Variants in IRAK1 observed in about 807,000 individuals in gnomAD.
The protein encoded by IRAK1 is interleukin-1 receptor-associated kinase 1.
A neutral mutation model predicts 49.8 loss-of-function variants in IRAK1; 9 were observed. The observed-to-expected ratio is 0.18, with a 90% CI of 0.11 to 0.32. The LOEUF (loss-of-function observed/expected upper bound fraction) is 0.32, where lower values mean the gene tolerates loss of function less well. IRAK1 is among the 10% of genes least tolerant of loss of function. IRAK1 has a pLI of 1.00. For missense variants in IRAK1, 418 were observed against 600.5 expected, an observed-to-expected ratio of 0.70 and a Z score of 3.18; for synonymous variants, 282 against 270.8, an observed-to-expected ratio of 1.04 and a Z score of -0.41.
chrX:154,012,670 G>A lies in IRAK1; in HGVS notation c.1939C>T (p.Leu647Phe), dbSNP rs113047476. ...SRPTAVEGLA[L>F]GSSASSSSEP... The stretch of plus-strand genomic sequence containing the variant: ...GACGACGATGATGCAGAGCTGCCAA[G>A]GGCCAGTCCTGGGGTGGAGATGGCA... Residue 647 changes from leucine to phenylalanine, a missense_variant, in exon 13 of 14, where the codon CTT becomes TTT. Physicochemically the swap from Leu to Phe is conservative, Grantham distance 22 (BLOSUM62 0). Coordinates refer to ENST00000369980, the MANE Select transcript of IRAK1 (RefSeq NM_001569.4). The A allele has an allele frequency of 2.0e-5, 24 of 1,209,751 alleles. 1 individual carries two copies. The African/African-American group carries it at 2.8e-4, about 14-fold the overall frequency.
chrX:154,016,678 C>T, intron 8 of IRAK1, 34 bp from the exon 9 acceptor site: 1 of 1,109,640 alleles, frequency 9.0e-7, no homozygotes, highest in Non-Finnish European at 1.2e-6. Flanking sequence ...TCAGCCCGGT[C>T]CTAGCTCCTA....
rs1557130083 is a variant in IRAK1 at position 154,018,325 on chromosome X, G to A, written c.760C>T (p.Gln254Ter). The stretch of plus-strand genomic sequence containing the variant: ...TGCTCCACCTCGGTCAGGAAGCTCT[G>A]CTTCACTGCAGTCCACTCCAGGTCA... ...NADLEWTAVK[Q>*]SFLTEVEQLS... Residue 254 changes from glutamine to a stop codon, truncating the protein, a stop_gained, in exon 6 of 14, where the codon CAG becomes TAG. Coordinates refer to ENST00000369980, the MANE Select transcript of IRAK1 (RefSeq NM_001569.4). LOFTEE classifies it high-confidence loss of function. 8.6e-7 allele frequency: 1 copy of A among 1,167,195 alleles called. No homozygotes were observed. The highest frequency in any genetic ancestry group is 1.1e-6 in the Non-Finnish European group (1 of 871,800).
At position 154,012,970 on chromosome X, in the gene IRAK1, G is replaced by C. The variant is rs145316723; in HGVS notation, c.1930+73C>G. On this transcript the variant is annotated intron_variant, in intron 12 of 13. Transcript: ENST00000369980. The stretch of plus-strand genomic sequence containing the variant: ...GCCCTGGTTCTCTTCTAGAAGGCTG[G>C]GGTGGGGACTTACAGGGGCTTTGGC... 9.7e-6 allele frequency: 11 copies of C among 1,135,137 alleles called. No individual in the cohort carries two copies. The East Asian group carries it at 3.0e-4, about 31-fold the overall frequency. 93.5% of individuals were successfully genotyped at this position (1,135,137 alleles called of 1,213,427 possible). A position where few individuals can be genotyped will look rare whatever the true frequency, so the allele number is the denominator to read the frequency against.
In IRAK1 at chrX:154,018,601, C is replaced by T. The variant is rs2065756932; in HGVS notation, c.727G>A (p.Glu243Lys). 3.3e-6 allele frequency: 4 copies of T among 1,200,305 alleles called. No individual in the cohort carries two copies. Among genetic ancestry groups the T allele is most frequent in the African/African-American group, 1.8e-5 (1 of 56,812 alleles). The stretch of plus-strand genomic sequence containing the variant: ...CCCTGCCAGGGTGCGACACTCACCT[C>T]CTTCAGCCTCTTCACAGCATACACC... Reference protein sequence around the residue: ...NTVYAVKRLKENADLEWTAVK... With the variant: ...NTVYAVKRLKKNADLEWTAVK... Residue 243 changes from glutamate (E) to lysine (K), a missense_variant and splice_region_variant, in exon 5 of 14, where the codon GAG becomes AAG. Glu to Lys is a moderately conservative substitution (Grantham distance 56). Transcript: ENST00000369980.
At chrX:154,017,538 G>A (rs1372977202) in intron 7 of IRAK1, among the ~76,000 whole-genome samples, 1 of 112,045 alleles carries the variant, frequency 8.9e-6, no homozygotes, top group East Asian at 2.8e-4. Flanking sequence ...GCTCACGCCT[G>A]TAATCCCAGC....
chrX:154,015,700 G>A (rs1557128961), intron 10 of IRAK1, among the ~76,000 whole-genome samples: 1 of 111,495 alleles, frequency 9.0e-6, no homozygotes, highest in East Asian at 2.8e-4. Context: ...GAGGTTCCTC[G>A]GGGCCTGCTT....
rs150089165 is a variant in IRAK1, at chrX:154,013,347, C to A, written c.1626G>T (p.Pro542=). 9.1e-6 allele frequency: 11 copies of A among 1,204,931 alleles called. No homozygotes were observed. The highest frequency in any genetic ancestry group is 1.2e-5 in the Non-Finnish European group (11 of 892,730). Residue 542 remains proline (P), a synonymous_variant, in exon 12 of 14, where the codon CCG becomes CCT. Coordinates refer to ENST00000369980, the MANE Select transcript of IRAK1 (RefSeq NM_001569.4). ...SEAASCIPPS[P]QENSYVSSTG... is the part of the protein sequence containing the mutation. ...TGCTGGACACGTAGGAGTTCTCCTG[C>A]GGGGAAGGGGGGATGCAGCTGGCGG...
At chrX:154,015,168 T>TG (rs1253961708) in intron 10 of IRAK1, among the ~76,000 whole-genome samples, 9 of 111,825 alleles carry the variant, frequency 8.0e-5, no homozygotes, top group African/African-American at 2.9e-4. Context: ...CCTGGGGCGT[T>TG]GGGGGGTCAA....
chrX:154,018,890 G>T, intron 4 of IRAK1, 85 bp downstream of exon 4: 1 of 880,375 alleles, frequency 1.1e-6, no homozygotes, highest in Non-Finnish European at 1.6e-6. Context: ...GACCCAGCTT[G>T]GCTGACTGGG....
intron 10 of IRAK1, chrX:154,014,497 G>A: frequency 2.5e-6 from 1 of 404,739 alleles, no homozygotes; most frequent in South Asian, 4.1e-5. Context: ...GTGAGACACT[G>A]TGCCACAGCT....
At chrX:154,016,245 T>C (rs1257488577) in intron 9 of IRAK1, 148 bp from the exon 10 acceptor site, 4 of 605,117 alleles carry the variant, frequency 6.6e-6, no homozygotes, top group Non-Finnish European at 1.1e-5. Flanking sequence ...GAGAGCCCAC[T>C]TGAAGACAAA....
At position 154,019,006 on chromosome X, in the gene IRAK1, G is replaced by A; in HGVS notation, c.509C>T (p.Pro170Leu). ...LVPSPASLWP[P>L]PPSPAPSSTK... ...AGAAGAAGGGGCTGGAGATGGCGGT[G>A]GAGGCCACAGGGAAGCAGGGCTTGG... The change falls in exon 4 of 14, where the codon CCA (proline) becomes CTA (leucine). Residue 170 changes from proline to leucine, a missense_variant. Transcript: ENST00000369980. 8.3e-7 allele frequency: 1 copy of A among 1,206,295 alleles called. No homozygotes were observed. The highest frequency in any genetic ancestry group is 1.7e-5 in the African/African-American group (1 of 57,845).
At position 154,019,726 on chromosome X, in the gene IRAK1, GC is replaced by G; in HGVS notation, c.86del (p.Arg29ProfsTer5). 1 of 989,224 alleles carries G rather than the reference GC, an allele frequency of 1.0e-6. No individual in the cohort carries two copies. Among genetic ancestry groups the G allele is most frequent in the Non-Finnish European group, 1.3e-6 (1 of 784,261 alleles). The allele number at this position is 989,224 out of a possible 1,213,427, so 81.5% of individuals were successfully genotyped here. ...CCAGGGCGTCCATCACTTTGTAGAA[GC>G]GGCACATGACCCAGGGCGGCACCTC... The part of the protein sequence containing the change: ...LYEVPPWVMC[R>X]FYKVMDALEP... On this transcript the variant is annotated frameshift_variant, in exon 1 of 14. Transcript: ENST00000369980. LOFTEE classifies it high-confidence loss of function.
chrX:154,016,764 C>T, intron 8 of IRAK1, 120 bp from the exon 9 acceptor site: 1 of 671,160 alleles, frequency 1.5e-6, no homozygotes, highest in South Asian at 2.6e-5. Flanking sequence ...GCTGGCACTG[C>T]CCTGAGCGCT....
intron 12 of IRAK1, 128 bp from the exon 13 acceptor site, chrX:154,012,806 C>T: frequency 1.2e-6 from 1 of 830,851 alleles, no homozygotes; most frequent in Non-Finnish European, 1.7e-6. Context: ...AGCTCTCAGG[C>T]TACCAGACAG....
At position 154,018,711 on chromosome X, in the gene IRAK1, G is replaced by A. The variant is rs782111737; in HGVS notation, c.617C>T (p.Ser206Phe). The A allele has an allele frequency of 1.7e-5, 19 of 1,132,973 alleles. No homozygotes were observed. Among genetic ancestry groups the A allele is most frequent in the Non-Finnish European group, 1.8e-5 (15 of 826,015 alleles). 93.4% of individuals were successfully genotyped at this position (1,132,973 alleles called of 1,213,427 possible). ...CTCCGAGAAGTTGTGGGTGCCCCGG[G>A]AAATCTCACAGAGGGGCCAGCAAAA... is the stretch of plus-strand genomic sequence containing the variant. The part of the protein sequence containing the change: ...FPFCWPLCEI[S>F]RGTHNFSEEL... Residue 206 changes from serine (S) to phenylalanine (F), a missense_variant, in exon 5 of 14, where the codon TCC becomes TTC. Ser to Phe is a radical substitution (Grantham distance 155). Around this residue, in one of 3 missense-constraint regions of IRAK1, gnomAD observed 377 missense variants for 499.5 expected, o/e 0.75. Coordinates refer to ENST00000369980, the MANE Select transcript of IRAK1 (RefSeq NM_001569.4).
chrX:154,012,676 G>A lies in IRAK1; in HGVS notation c.1933C>T (p.Leu645=). 3.3e-6 allele frequency: 4 copies of A among 1,209,946 alleles called. No homozygotes were observed. The highest frequency in any genetic ancestry group is 4.5e-6 in the Non-Finnish European group (4 of 894,159). Residue 645 remains leucine (L), a splice_region_variant and synonymous_variant, in exon 13 of 14, where the codon CTG becomes TTG. Transcript: ENST00000369980. ...PGSRPTAVEG[L]ALGSSASSSS... is the part of the protein sequence containing the mutation. ...GATGATGCAGAGCTGCCAAGGGCCA[G>A]TCCTGGGGTGGAGATGGCACTCCCT...
rs1557130410 is a variant in IRAK1 at position 154,018,760 on chromosome X, G to T, written c.568C>A (p.Leu190Met). The T allele has an allele frequency of 1.1e-6, 1 of 906,494 alleles. No homozygotes were observed. The allele number at this position is 906,494 out of a possible 1,213,427, so 74.7% of individuals were successfully genotyped here. ...AACGGAAAGGGGCGGGCTCCCTGCA[G>T]GAGGGACACTGAGCTCTCTGGGCCT... Reference protein sequence around the residue: ...KPGPESSVSLLQGARPFPFCW... With the variant: ...KPGPESSVSLMQGARPFPFCW... Residue 190 changes from leucine to methionine, a missense_variant, in exon 5 of 14, where the codon CTG (leucine) becomes ATG (methionine). Leu to Met is a conservative substitution (Grantham distance 15). Around this residue, in one of 3 missense-constraint regions of IRAK1, gnomAD observed 377 missense variants for 499.5 expected, o/e 0.75. Coordinates refer to ENST00000369980, the MANE Select transcript of IRAK1 (RefSeq NM_001569.4).
chrX:154,012,785 G>A (rs2065709137), intron 12 of IRAK1, 107 bp from the exon 13 acceptor site: 1 of 922,133 alleles, frequency 1.1e-6, no homozygotes, highest in African/African-American at 2.0e-5. Flanking sequence ...AGAAGTCCAA[G>A]GGCAGGGCCC....
Sources: gnomAD v4.1 joint callset for allele counts (sites outside exome capture counted in the v4.1 genomes callset) on GRCh38, gnomAD v4.1.1 for gene constraint, gnomAD v4.1.1 regional missense constraint, MANE v1.5 for transcripts, NCBI Gene and HGNC (gene_info 2026-07-23, HGNC 2026-07-21) for gene names.